PRDM16: variants seen among roughly 807,000 people sequenced by gnomAD.
The protein encoded by PRDM16 is histone-lysine N-methyltransferase PRDM16.
In PRDM16, 23 loss-of-function variants were observed where a neutral mutation model predicts 110.6. The ratio of observed to expected loss-of-function variants is 0.21; its 90% confidence interval spans 0.15 to 0.29. PRDM16 has a LOEUF of 0.29. PRDM16 is among the 10% of genes least tolerant of loss of function. The probability of loss-of-function intolerance (pLI) is 1.00; values close to 1 mark genes in which losing one functional copy is unlikely to be tolerated. For missense variants in PRDM16, 1,615 were observed against 1,794.3 expected (o/e 0.90, Z 1.81); for synonymous variants, 799 against 781.8 (o/e 1.02, Z -0.37).
At chr1:3,395,333 G>C (rs552623471) in intron 4 of PRDM16, among the ~76,000 whole-genome samples, 2 of 152,140 alleles carry the variant, frequency 1.3e-5, no homozygotes, top group Non-Finnish European at 2.9e-5. Flanking sequence ...TCACCCACAA[G>C]GATGGCCACG....
At position 3,246,502 on chromosome 1, in the gene PRDM16, C is replaced by G. The variant is rs1361260698; in HGVS notation, c.438+2365C>G. On this transcript the variant is annotated intron_variant, in intron 3 of 16. Transcript: ENST00000270722. The surrounding 1 kb of genome is among the most constrained non-coding windows in gnomAD (Gnocchi z 5.2). ...CGGGGGCGTTGGTGGGCGGTCCTGTCCAAGCAGGCCTCCTGACCCCAGCCC... is the reference window on the plus strand; with the variant it reads ...CGGGGGCGTTGGTGGGCGGTCCTGTGCAAGCAGGCCTCCTGACCCCAGCCC... 2.0e-5 allele frequency among the ~76,000 whole-genome samples: 3 copies of G among 152,166 alleles called. No individual in the cohort carries two copies. Among genetic ancestry groups the G allele is most frequent in the Non-Finnish European group, 4.4e-5 (3 of 68,020 alleles).
At chr1:3,142,117 C>T (rs1643562573) in intron 1 of PRDM16, among the ~76,000 whole-genome samples, 1 of 152,206 alleles carries the variant, frequency 6.6e-6, no homozygotes, top group Non-Finnish European at 1.5e-5. Context: ...GGAGCTGCCC[C>T]AGCCTCCATC....
intron 1 of PRDM16, among the ~76,000 whole-genome samples, chr1:3,085,441 G>A (rs879859782): frequency 5.9e-5 from 9 of 152,192 alleles, no homozygotes; most frequent in Admixed American, 5.2e-4. Flanking sequence ...GCCCCCCAGG[G>A]CTCCCCATTC....
intron 1 of PRDM16, among the ~76,000 whole-genome samples, chr1:3,181,346 A>ACG (rs1553140997): frequency 5.2e-5 from 5 of 96,884 alleles, no homozygotes; most frequent in African/African-American, 1.8e-4. Context: ...AGTCTTACAC[A>ACG]CGGTCTTACA....
At chr1:3,325,637 G>A (rs1227660871) in intron 3 of PRDM16, among the ~76,000 whole-genome samples, 5 of 152,186 alleles carry the variant, frequency 3.3e-5, no homozygotes, top group East Asian at 1.9e-4. Context: ...CTACAGACCC[G>A]AAGCCTGAGA....
intron 1 of PRDM16, among the ~76,000 whole-genome samples, chr1:3,134,567 G>A (rs1249275926): frequency 4.6e-5 from 7 of 151,696 alleles, no homozygotes; most frequent in South Asian, 4.2e-4. Flanking sequence ...CTCCGAGGGC[G>A]CGTGGAGCCC....
chr1:3,072,956 T>G (rs1383496267), intron 1 of PRDM16, among the ~76,000 whole-genome samples: 2 of 152,230 alleles, frequency 1.3e-5, no homozygotes, highest in Admixed American at 6.5e-5. Flanking sequence ...CAAGCTGGCT[T>G]GTGGAGCAAC....
intron 1 of PRDM16, among the ~76,000 whole-genome samples, chr1:3,128,705 C>G (rs980141343): frequency 9.2e-6 from 1 of 108,342 alleles, no homozygotes; most frequent in East Asian, 2.6e-4. Flanking sequence ...CACCATGCTA[C>G]TGGAGACCAT....
At chr1:3,131,264 G>T (rs1643331037) in intron 1 of PRDM16, among the ~76,000 whole-genome samples, 2 of 152,100 alleles carry the variant, frequency 1.3e-5, no homozygotes, top group South Asian at 2.1e-4. Context: ...CATTTATTTT[G>T]CCTTTGAGAA....
At chr1:3,159,284 C>A (rs1332209142) in intron 1 of PRDM16, among the ~76,000 whole-genome samples, 2 of 152,248 alleles carry the variant, frequency 1.3e-5, no homozygotes, top group African/African-American at 4.8e-5. Context: ...GCTGCATTCG[C>A]CAGCAAGGGC....
rs1349086995 is a variant in PRDM16 at position 3,244,313 on chromosome 1, G to A, written c.438+176G>A. Among the ~76,000 whole-genome samples, 1 of 152,116 alleles carries A rather than the reference G, an allele frequency of 6.6e-6. No homozygotes were observed. The highest frequency in any genetic ancestry group is 1.5e-5 in the Non-Finnish European group (1 of 68,026). ...GTGTGCACAGGACGGTGGCTTTGCT[G>A]TCATTAGGAGGGATGGGGAGGTGGG... On this transcript the variant is annotated intron_variant, in intron 3 of 16. Transcript: ENST00000270722. This position sits in a 1 kb window ranked among gnomAD's most constrained non-coding sequence, Gnocchi z 4.1.
At position 3,243,110 on chromosome 1, in the gene PRDM16, G is replaced by A. The variant is rs1639712715; in HGVS notation, c.388-977G>A. Among the ~76,000 whole-genome samples the A allele has an allele frequency of 6.6e-6, 1 of 152,176 alleles. No homozygotes were observed. Among genetic ancestry groups the A allele is most frequent in the South Asian group, 2.1e-4 (1 of 4,824 alleles). On this transcript the variant is annotated intron_variant, in intron 2 of 16. Transcript: ENST00000270722. This position sits in a 1 kb window ranked among gnomAD's most constrained non-coding sequence, Gnocchi z 5.5. Reference sequence around the variant, plus strand: ...TGGAGCGACCTGGGAGGAAGAACGAGCCGACTGCTGGCCCACTCCAGCCTC... The same window carrying A: ...TGGAGCGACCTGGGAGGAAGAACGAACCGACTGCTGGCCCACTCCAGCCTC...
At chr1:3,160,964 C>T (rs759838132) in intron 1 of PRDM16, among the ~76,000 whole-genome samples, 13 of 152,194 alleles carry the variant, frequency 8.5e-5, no homozygotes, top group Non-Finnish European at 1.5e-4. Context: ...CCCCTACTCC[C>T]TTGACAATGC....
intron 3 of PRDM16, among the ~76,000 whole-genome samples, chr1:3,267,846 G>A (rs1287998467): frequency 2.0e-5 from 3 of 152,184 alleles, no homozygotes; most frequent in Non-Finnish European, 2.9e-5. Flanking sequence ...AAGCCTCCCT[G>A]GTTCACAGGA....
intron 1 of PRDM16, among the ~76,000 whole-genome samples, chr1:3,163,617 G>T (rs908408243): frequency 6.6e-6 from 1 of 152,204 alleles, no homozygotes; most frequent in Non-Finnish European, 1.5e-5. Flanking sequence ...CCAGAAGTCT[G>T]GGATCAGCTG....
At chr1:3,335,754 C>A (rs1570095688) in intron 3 of PRDM16, among the ~76,000 whole-genome samples, 1 of 152,210 alleles carries the variant, frequency 6.6e-6, no homozygotes, top group Admixed American at 6.5e-5. Flanking sequence ...GCTGGCCTGG[C>A]AGGGGCAAGG....
intron 3 of PRDM16, among the ~76,000 whole-genome samples, chr1:3,286,586 C>G (rs1211079587): frequency 6.6e-6 from 1 of 152,200 alleles, no homozygotes; most frequent in Non-Finnish European, 1.5e-5. Flanking sequence ...CATGGACCCC[C>G]AGAGAAAGCT....
chr1:3,380,670 C>T (rs1248820530), intron 3 of PRDM16, among the ~76,000 whole-genome samples: 2 of 152,162 alleles, frequency 1.3e-5, no homozygotes, highest in African/African-American at 4.8e-5. Flanking sequence ...CTTGAGAGAG[C>T]CAGAGATGTT....
chr1:3,304,627 T>C (rs1183957752), intron 3 of PRDM16, among the ~76,000 whole-genome samples: 1 of 152,212 alleles, frequency 6.6e-6, no homozygotes, highest in Non-Finnish European at 1.5e-5. Flanking sequence ...TGCATTGCTT[T>C]ATGTCCCCAC....
Sources: gnomAD v4.1 joint callset for allele counts (sites outside exome capture counted in the v4.1 genomes callset) on GRCh38, gnomAD v4.1.1 for gene constraint, Gnocchi (gnomAD v3.1) non-coding constraint, MANE v1.5 for transcripts, NCBI Gene and HGNC (gene_info 2026-07-23, HGNC 2026-07-21) for gene names.